SGCE: variants seen among roughly 807,000 people sequenced by gnomAD.
SGCE encodes epsilon-sarcoglycan.
A neutral mutation model predicts 57.8 loss-of-function variants in SGCE; 26 were observed. The observed-to-expected ratio is 0.45, with a 90% CI of 0.33 to 0.62. SGCE has a LOEUF of 0.62. Among genes scored for constraint, SGCE ranks in the 20% least tolerant of loss-of-function variants. SGCE has a pLI of 0.02. For missense variants in SGCE, 468 were observed against 548.6 expected (o/e 0.85, Z 1.47); for synonymous variants, 183 against 189.5 (o/e 0.97, Z 0.28).
intron 3 of SGCE, 69 bp downstream of exon 3, chr7:94,628,133 A>C: frequency 8.6e-7 from 1 of 1,168,220 alleles, no homozygotes; most frequent in Non-Finnish European, 1.2e-6. Flanking sequence ...AACTCAAATT[A>C]CAATACACAC....
chr7:94,604,589 T>G (rs1180570259), intron 5 of SGCE, among the ~76,000 whole-genome samples: 2 of 150,422 alleles, frequency 1.3e-5, no homozygotes, highest in Admixed American at 1.3e-4. Context: ...ACTCTCACAT[T>G]TAATAAACTG....
At chr7:94,647,296 G>A (rs1427010595) in intron 1 of SGCE, among the ~76,000 whole-genome samples, 1 of 152,056 alleles carries the variant, frequency 6.6e-6, no homozygotes, top group African/African-American at 2.4e-5. Context: ...AATCATCCTT[G>A]AAATCTCCTC....
chr7:94,629,606 T>A, intron 2 of SGCE, 113 bp downstream of exon 2: 1 of 964,310 alleles, frequency 1.0e-6, no homozygotes, highest in Admixed American at 1.8e-5. Context: ...TTATCACATA[T>A]TTAGACCATT....
chr7:94,622,716 A>C (rs1034225080), intron 4 of SGCE: 1 of 152,114 alleles, frequency 6.6e-6, no homozygotes, highest in African/African-American at 2.4e-5. Flanking sequence ...AATTCTGAGA[A>C]TACTTCCTTA....
intron 1 of SGCE, among the ~76,000 whole-genome samples, chr7:94,647,734 C>G (rs1193126808): frequency 6.6e-6 from 1 of 152,170 alleles, no homozygotes; most frequent in Non-Finnish European, 1.5e-5. Flanking sequence ...TCAACCTGCC[C>G]CAGGGCCTCT....
chr7:94,603,840 TACTA>T (rs1291201769), intron 5 of SGCE, among the ~76,000 whole-genome samples: 15 of 152,290 alleles, frequency 9.8e-5, no homozygotes, highest in Middle Eastern at 3.4e-3. Flanking sequence ...ATAACCCCAC[TACTA>T]CAATAATAAA....
intron 5 of SGCE, among the ~76,000 whole-genome samples, chr7:94,611,003 T>G (rs1047267154): frequency 4.6e-5 from 7 of 152,322 alleles, no homozygotes; most frequent in East Asian, 3.9e-4. Flanking sequence ...TAATAGCTAG[T>G]GCTGGTGAAG....
intron 10 of SGCE, among the ~76,000 whole-genome samples, chr7:94,586,061 G>GAAAAAAAAAAAAAAAAAAAAAAAAA (rs780812386): frequency 1.7e-4 from 5 of 28,906 alleles, no homozygotes; most frequent in Non-Finnish European, 2.4e-4. Context: ...GGAACTAAAT[G>GAAAAAAAAAAAAAAAAAAAAAAAAA]AAAAAAAAAA....
chr7:94,599,259 A>G (rs950672821), intron 8 of SGCE: 17 of 303,648 alleles, frequency 5.6e-5, no homozygotes, highest in Non-Finnish European at 9.6e-5. Flanking sequence ...TTTATTTTCT[A>G]TGATTTAAGA....
chr7:94,634,822 ACT>A (rs1430873447), intron 1 of SGCE, among the ~76,000 whole-genome samples: 1 of 152,100 alleles, frequency 6.6e-6, no homozygotes, highest in Non-Finnish European at 1.5e-5. Flanking sequence ...GGCAGCAGAA[ACT>A]CTGTTATAAA....
rs576732781 is a variant in SGCE at position 94,628,521 on chromosome 7, C to T, written c.233-162G>A. The T allele has an allele frequency of 6.8e-5, 39 of 575,678 alleles. No individual in the cohort carries two copies. The East Asian group carries it at 9.7e-4, about 14-fold the overall frequency. The allele number at this position is 575,678 out of a possible 1,614,324, so 35.7% of individuals were successfully genotyped here. The stretch of plus-strand genomic sequence containing the variant: ...TCTGGGAATTTAAATTAGGGCACCA[C>T]GTTAAAAAAAATCCTTTTGGTTGTT... On this transcript the variant is annotated intron_variant, in intron 2 of 10. Coordinates refer to ENST00000648936, the MANE Select transcript of SGCE (RefSeq NM_003919.3).
chr7:94,605,440 TCAC>T (rs964083021), intron 5 of SGCE, among the ~76,000 whole-genome samples: 2 of 152,114 alleles, frequency 1.3e-5, no homozygotes, highest in Non-Finnish European at 2.9e-5. Context: ...AACAATCTAT[TCAC>T]CATATATCCA....
chr7:94,624,233 T>C, intron 3 of SGCE: 3 of 396,892 alleles, frequency 7.6e-6, no homozygotes, highest in Non-Finnish European at 1.3e-5. Context: ...TGGCAATGAT[T>C]GCAGCTGGAG....
intron 1 of SGCE, among the ~76,000 whole-genome samples, chr7:94,637,346 A>G (rs957292841): frequency 4.6e-5 from 7 of 152,252 alleles, no homozygotes; most frequent in African/African-American, 1.4e-4. Flanking sequence ...ATTCAGAACT[A>G]TAATGATAGG....
chr7:94,641,182 C>T (rs903539936), intron 1 of SGCE, among the ~76,000 whole-genome samples: 2 of 152,054 alleles, frequency 1.3e-5, no homozygotes, highest in African/African-American at 4.8e-5. Flanking sequence ...TCACTTACTG[C>T]AAAAAGGTCA....
chr7:94,605,815 G>C (rs1021301950), intron 5 of SGCE, among the ~76,000 whole-genome samples: 1 of 151,940 alleles, frequency 6.6e-6, no homozygotes, highest in Non-Finnish European at 1.5e-5. Flanking sequence ...AAATATAGTA[G>C]ATTTATATTT....
intron 1 of SGCE, among the ~76,000 whole-genome samples, chr7:94,645,922 G>T (rs1212459567): frequency 6.6e-6 from 1 of 151,802 alleles, no homozygotes. Context: ...ATCACTACAG[G>T]TGGCATTATA....
chr7:94,613,054 G>A (rs1186821905), intron 5 of SGCE, among the ~76,000 whole-genome samples: 1 of 152,162 alleles, frequency 6.6e-6, no homozygotes, highest in Non-Finnish European at 1.5e-5. Context: ...CCCAGTCTTT[G>A]CCACTGTCCT....
intron 5 of SGCE, among the ~76,000 whole-genome samples, chr7:94,612,009 T>C (rs1801120687): frequency 6.6e-6 from 1 of 152,220 alleles, no homozygotes; most frequent in African/African-American, 2.4e-5. Flanking sequence ...AAACAAGTTA[T>C]TACTTTTAAG....
Sources: allele counts gnomAD v4.1 joint callset (sites outside exome capture counted in the v4.1 genomes callset), GRCh38; gene constraint gnomAD v4.1.1; transcripts MANE v1.5; gene names NCBI Gene and HGNC (gene_info 2026-07-23, HGNC 2026-07-21).